Variants in ASPSCR1 observed in about 807,000 individuals in gnomAD.
ASPSCR1 encodes the protein ASPSCR1 tether for SLC2A4, UBX domain containing.
In ASPSCR1, 55 loss-of-function variants were observed where a neutral mutation model predicts 68.9. The observed-to-expected ratio is 0.80, with a 90% CI of 0.64 to 1.00. The LOEUF (loss-of-function observed/expected upper bound fraction) is 1.00. Among genes scored for constraint, ASPSCR1 ranks in the 50% least tolerant of loss-of-function variants. The probability of loss-of-function intolerance (pLI) is 0.00; values close to 1 mark genes in which losing one functional copy is unlikely to be tolerated. For missense variants in ASPSCR1, 765 were observed against 762.2 expected (o/e 1.00, Z -0.04); for synonymous variants, 352 against 332.6 (o/e 1.06, Z -0.63).
intron 12 of ASPSCR1, chr17:82,015,703 G>A (rs1245457218): frequency 1.2e-5 from 4 of 324,950 alleles, no homozygotes; most frequent in East Asian, 6.3e-5. Context: ...TTGGAGGCCC[G>A]GTGGTGGCGG....
intron 12 of ASPSCR1, chr17:82,012,945 T>A (rs1051076060): frequency 2.0e-5 from 3 of 152,776 alleles, no homozygotes; most frequent in African/African-American, 7.2e-5. Context: ...CGAAGCCCTC[T>A]GGCCTAATGG....
At chr17:81,984,237 A>G (rs1318329471) in intron 3 of ASPSCR1, among the ~76,000 whole-genome samples, 3 of 152,164 alleles carry the variant, frequency 2.0e-5, no homozygotes, top group East Asian at 3.9e-4. Context: ...AGCAGCATTC[A>G]CCCACCAGCC....
intron 7 of ASPSCR1, among the ~76,000 whole-genome samples, chr17:82,001,326 G>A (rs560907646): frequency 6.6e-5 from 10 of 152,144 alleles, no homozygotes; most frequent in Non-Finnish European, 1.5e-4. Context: ...CCCCACATCC[G>A]ACGCGGTGCA....
chr17:82,016,676 A>G, intron 13 of ASPSCR1, 124 bp from the exon 14 acceptor site: 1 of 1,439,774 alleles, frequency 6.9e-7, no homozygotes, highest in Non-Finnish European at 9.4e-7. Context: ...TCCCCGAGAG[A>G]GGACTGGGAC....
chr17:82,015,379 C>G, intron 12 of ASPSCR1: 1 of 1,589,776 alleles, frequency 6.3e-7, no homozygotes, highest in Non-Finnish European at 8.5e-7. Context: ...GCTCAGTGCT[C>G]CCTGCACAGA....
At position 81,987,263 on chromosome 17, in the gene ASPSCR1, C is replaced by T. The variant is rs547095245; in HGVS notation, c.374+1656C>T. On this transcript the variant is annotated intron_variant, in intron 4 of 15. Coordinates refer to ENST00000306739, the MANE Select transcript of ASPSCR1 (RefSeq NM_024083.4). This position sits in a 1 kb window ranked among gnomAD's most constrained non-coding sequence, Gnocchi z 5.6. ...GCGGGACCCGAGCCAGGAGTGGCGC[C>T]GGGCAGGGAGGCAGGCAGCCCCAGG... is the stretch of plus-strand genomic sequence containing the variant. Among the ~76,000 whole-genome samples the T allele has an allele frequency of 1.2e-4, 19 of 152,244 alleles. No homozygotes were observed. Among genetic ancestry groups the T allele is most frequent in the African/African-American group, 4.6e-4 (19 of 41,538 alleles).
intron 3 of ASPSCR1, among the ~76,000 whole-genome samples, chr17:81,984,887 CCA>C (rs1196508723): frequency 1.0e-4 from 12 of 116,044 alleles, no homozygotes; most frequent in East Asian, 2.6e-4. Context: ...CACACACCCC[CCA>C]CACACACCCA....
At chr17:82,002,955 A>T (rs990035652) in intron 7 of ASPSCR1, among the ~76,000 whole-genome samples, 2 of 151,706 alleles carry the variant, frequency 1.3e-5, no homozygotes, top group African/African-American at 4.8e-5. Context: ...GCTCACTGCA[A>T]CCTCCACCTC....
chr17:81,979,065 T>C, intron 1 of ASPSCR1, 119 bp from the exon 2 acceptor site: 3 of 1,058,496 alleles, frequency 2.8e-6, no homozygotes, highest in Non-Finnish European at 4.4e-6. Flanking sequence ...TGTGCTTGGC[T>C]TTGCCTGGGC....
At chr17:82,006,300 G>T (rs1054707372) in intron 7 of ASPSCR1, 23 of 150,518 alleles carry the variant, frequency 1.5e-4, no homozygotes, top group Admixed American at 9.9e-4. Flanking sequence ...CGTGTTTGGG[G>T]GTGTGTGTGT....
chr17:81,985,062 GCACACACCTGTACA>G (rs1567957251), intron 3 of ASPSCR1, among the ~76,000 whole-genome samples: 3 of 86,906 alleles, frequency 3.5e-5, no homozygotes, highest in South Asian at 4.9e-4. Context: ...ACACACCCAC[GCACACACCTGTACA>G]CACACACCTA....
At chr17:82,009,894 G>C (rs1245655092) in intron 9 of ASPSCR1, 2 of 293,364 alleles carry the variant, frequency 6.8e-6, no homozygotes, top group African/African-American at 4.6e-5. Context: ...ATCCTCCCCT[G>C]CTCATGATTT....
intron 15 of ASPSCR1, 84 bp downstream of exon 15, chr17:82,017,197 G>T: frequency 6.3e-7 from 1 of 1,581,368 alleles, no homozygotes; most frequent in South Asian, 1.1e-5. Context: ...AGTGGGCTGG[G>T]GGGCTAGGTG....
intron 2 of ASPSCR1, chr17:81,982,802 CTTTT>C (rs1211567982): frequency 2.1e-5 from 3 of 142,370 alleles, no homozygotes; most frequent in African/African-American, 7.9e-5. Flanking sequence ...CTTTTCTTTT[CTTTT>C]CTTTCCTTTC....
intron 6 of ASPSCR1, 118 bp downstream of exon 6, chr17:81,996,183 T>G: frequency 7.4e-7 from 1 of 1,348,506 alleles, no homozygotes; most frequent in Non-Finnish European, 9.9e-7. Context: ...GCCCTCATCA[T>G]GGAGAGCGCC....
chr17:82,010,660 C>T (rs2042905985), intron 9 of ASPSCR1, 142 bp from the exon 10 acceptor site: 1 of 830,174 alleles, frequency 1.2e-6, no homozygotes, highest in South Asian at 1.5e-5. Flanking sequence ...GAGTCAAAGC[C>T]CAGGCCCTGA....
At chr17:81,985,191 C>T (rs1163466174) in intron 3 of ASPSCR1, among the ~76,000 whole-genome samples, 1 of 151,230 alleles carries the variant, frequency 6.6e-6, no homozygotes, top group Admixed American at 6.6e-5. Flanking sequence ...CCAACATGCA[C>T]ACATCCACAC....
intron 4 of ASPSCR1, among the ~76,000 whole-genome samples, chr17:81,991,115 C>G (rs1204853016): frequency 6.6e-6 from 1 of 152,206 alleles, no homozygotes; most frequent in East Asian, 1.9e-4. Flanking sequence ...AGCTGAGCCG[C>G]TTTCCATCTG....
chr17:82,010,058 C>T (rs187261837), intron 9 of ASPSCR1: 54 of 342,606 alleles, frequency 1.6e-4, no homozygotes, highest in African/African-American at 9.5e-4. Flanking sequence ...TTCAGGTACC[C>T]GCTACCACTA....
Sources: allele counts gnomAD v4.1 joint callset (sites outside exome capture counted in the v4.1 genomes callset), GRCh38; gene constraint gnomAD v4.1.1; non-coding constraint Gnocchi (gnomAD v3.1); transcripts MANE v1.5; gene names NCBI Gene and HGNC (gene_info 2026-07-23, HGNC 2026-07-21).